Variants in NEBL observed in about 807,000 individuals in gnomAD.
The protein encoded by NEBL is nebulette, also known as LIM and SH3 protein 2.
In NEBL, 122 loss-of-function variants were observed where a neutral mutation model predicts 140.2. The observed-to-expected ratio is 0.87, with a 90% CI of 0.75 to 1.01. The LOEUF is 1.01. Among genes scored for constraint, NEBL ranks in the 50% least tolerant of loss-of-function variants. NEBL has a pLI of 0.00. For synonymous variants in NEBL, 436 were observed against 398.9 expected (o/e 1.09, Z -1.11); for missense variants, 1,365 against 1,231.3 (o/e 1.11, Z -1.62).
intron 26 of NEBL, among the ~76,000 whole-genome samples, chr10:20,797,482 A>C (rs774770740): frequency 6.6e-6 from 1 of 152,224 alleles, no homozygotes; most frequent in African/African-American, 2.4e-5. Context: ...TGCTGATTAA[A>C]TTGCTGAATG....
At chr10:20,898,138 T>C (rs543791739), upstream of NEBL, among the ~76,000 whole-genome samples, 9 of 152,278 alleles carry the variant, frequency 5.9e-5, no homozygotes, top group East Asian at 1.7e-3. Context: ...ATTTATAATG[T>C]AGTGTATGTC....
At chr10:20,956,969 T>C (rs900399805) in intron 4 of NEBL, among the ~76,000 whole-genome samples, 7 of 152,220 alleles carry the variant, frequency 4.6e-5, no homozygotes, top group East Asian at 1.9e-4. Flanking sequence ...GCTTGTCTTC[T>C]GTCCACCATA....
chr10:21,217,230 T>C (rs549211003), intron 3 of NEBL, among the ~76,000 whole-genome samples: 180 of 152,150 alleles, frequency 1.2e-3, no homozygotes, highest in African/African-American at 4.0e-3. Context: ...TATACAGAAT[T>C]TACTTAAGAG....
intron 3 of NEBL, among the ~76,000 whole-genome samples, chr10:21,209,675 TC>T (rs1453775630): frequency 5.3e-4 from 78 of 147,146 alleles, no homozygotes; most frequent in African/African-American, 1.9e-3. Context: ...TTTTTTTTTT[TC>T]TTTTTTTTAC....
At chr10:20,911,718 A>G (rs1253447827) in intron 4 of NEBL, among the ~76,000 whole-genome samples, 4 of 152,188 alleles carry the variant, frequency 2.6e-5, no homozygotes, top group Admixed American at 1.3e-4. Flanking sequence ...TGATGTAGCT[A>G]TCCTTAGTGT....
intron 2 of NEBL, among the ~76,000 whole-genome samples, chr10:21,026,960 C>T (rs1048479955): frequency 1.3e-5 from 2 of 152,204 alleles, no homozygotes; most frequent in Non-Finnish European, 2.9e-5. Flanking sequence ...GGCACTAAGT[C>T]TCTAAGGAGC....
intron 1 of NEBL, among the ~76,000 whole-genome samples, chr10:21,264,548 GA>G (rs1453641470): frequency 1.3e-5 from 2 of 151,826 alleles, no homozygotes; most frequent in African/African-American, 4.8e-5. Flanking sequence ...GAAAGTTGTG[GA>G]AAAACAATGT....
intron 3 of NEBL, among the ~76,000 whole-genome samples, chr10:21,243,560 C>G (rs1842471838): frequency 6.6e-6 from 1 of 152,032 alleles, no homozygotes; most frequent in Non-Finnish European, 1.5e-5. Flanking sequence ...TCTTGAGCCA[C>G]CATGCCTGGC....
chr10:21,246,656 GGT>G (rs1414021278), intron 3 of NEBL, among the ~76,000 whole-genome samples: 1 of 151,432 alleles, frequency 6.6e-6, no homozygotes, highest in African/African-American at 2.4e-5. Flanking sequence ...GTAGAGACCT[GGT>G]CTCTACAAAA....
At chr10:20,917,550 T>G (rs4575164) in intron 4 of NEBL, among the ~76,000 whole-genome samples, 1 of 152,138 alleles carries the variant, frequency 6.6e-6, no homozygotes, top group African/African-American at 2.4e-5. Flanking sequence ...CACATTACTA[T>G]GCATCACGTA....
At chr10:20,821,658 G>T (rs977049368) in intron 19 of NEBL, among the ~76,000 whole-genome samples, 1 of 152,066 alleles carries the variant, frequency 6.6e-6, no homozygotes, top group African/African-American at 2.4e-5. Context: ...ATTTAATCAC[G>T]AAGTCAACTG....
chr10:21,133,362 G>A (rs968687940), intron 2 of NEBL, among the ~76,000 whole-genome samples: 5 of 152,140 alleles, frequency 3.3e-5, no homozygotes, highest in Non-Finnish European at 1.5e-5. Flanking sequence ...TTAGCGGAGG[G>A]GGCTCCTTAC....
intron 3 of NEBL, among the ~76,000 whole-genome samples, chr10:20,974,349 G>C (rs1235939715): frequency 1.3e-5 from 2 of 151,624 alleles, no homozygotes; most frequent in Non-Finnish European, 2.9e-5. Flanking sequence ...AACGTCTTGG[G>C]CTCAAGCGAT....
At chr10:21,237,496 C>T (rs569203400) in intron 3 of NEBL, among the ~76,000 whole-genome samples, 7 of 152,174 alleles carry the variant, frequency 4.6e-5, no homozygotes, top group Admixed American at 1.3e-4. Flanking sequence ...TGAGCCACTG[C>T]GCCCTGCCTA....
chr10:20,795,039 A>G lies in NEBL; in HGVS notation c.2762-7731T>C, dbSNP rs1248623808. Reference sequence around the variant, plus strand: ...TCTGACTTCAGAACCCAAACTCTTGACTATACTAAACCTAAATTATTACAG... The same window carrying G: ...TCTGACTTCAGAACCCAAACTCTTGGCTATACTAAACCTAAATTATTACAG... On this transcript the variant is annotated intron_variant, in intron 26 of 27. Transcript: ENST00000377122. 7.2e-5 allele frequency among the ~76,000 whole-genome samples: 11 copies of G among 152,352 alleles called. No homozygotes were observed. The East Asian group carries it at 1.9e-3, about 27-fold the overall frequency.
chr10:20,962,523 C>CCT (rs1836101948), intron 3 of NEBL, among the ~76,000 whole-genome samples: 1 of 152,168 alleles, frequency 6.6e-6, no homozygotes, highest in Non-Finnish European at 1.5e-5. Flanking sequence ...CTAATTACAA[C>CCT]CCAATGGAGC....
At chr10:20,911,882 C>T (rs1460798419) in intron 4 of NEBL, among the ~76,000 whole-genome samples, 1 of 152,098 alleles carries the variant, frequency 6.6e-6, no homozygotes, top group African/African-American at 2.4e-5. Flanking sequence ...GCAACAACAC[C>T]GTCAAAGGCT....
At chr10:20,889,727 C>T in intron 3 of NEBL, 118 bp downstream of exon 3, 1 of 720,656 alleles carries the variant, frequency 1.4e-6, no homozygotes, top group Non-Finnish European at 2.5e-6. Context: ...GTAGCTATTA[C>T]TAACATTCAG....
chr10:21,148,468 C>T lies in NEBL; in HGVS notation c.164+23915G>A, dbSNP rs529500403. On this transcript the variant is annotated intron_variant, in intron 2 of 6. Transcript: ENST00000417816. Reference sequence around the variant, plus strand: ...ATTCTTTAGGCCTCAGAAAACAGAACCTCTCAGGCAGAGTTTTATCCTGCC... The same window carrying T: ...ATTCTTTAGGCCTCAGAAAACAGAATCTCTCAGGCAGAGTTTTATCCTGCC... Among the ~76,000 whole-genome samples, 125 of 152,286 alleles carry T rather than the reference C, an allele frequency of 8.2e-4. 2 individuals carry two copies. In the South Asian group the frequency reaches 0.025, roughly 30 times the overall value.
Sources: allele counts gnomAD v4.1 joint callset (sites outside exome capture counted in the v4.1 genomes callset), GRCh38; gene constraint gnomAD v4.1.1; transcripts MANE v1.5; gene names NCBI Gene and HGNC (gene_info 2026-07-23, HGNC 2026-07-21).